MAGI2: variants seen among roughly 807,000 people sequenced by gnomAD.
The protein encoded by MAGI2 is membrane-associated guanylate kinase, WW and PDZ domain-containing protein 2.
A neutral mutation model predicts 133.3 loss-of-function variants in MAGI2; 35 were observed. The ratio of observed to expected loss-of-function variants is 0.26; its 90% CI spans 0.20 to 0.35. The LOEUF (loss-of-function observed/expected upper bound fraction) is 0.35. MAGI2 is among the 10% of genes least tolerant of loss of function. MAGI2 has a pLI of 1.00. For synonymous variants in MAGI2, 729 were observed against 710.6 expected (o/e 1.03, Z -0.41); for missense variants, 1,636 against 1,863.4 (o/e 0.88, Z 2.25).
intron 9 of MAGI2, among the ~76,000 whole-genome samples, chr7:78,308,519 C>T (rs1055490282): frequency 2.6e-5 from 4 of 151,774 alleles, no homozygotes; most frequent in Admixed American, 6.6e-5. Context: ...GGGTGAGGTC[C>T]GACCCATCTT....
At chr7:78,987,223 G>C (rs1805350454) in intron 2 of MAGI2, among the ~76,000 whole-genome samples, 1 of 151,998 alleles carries the variant, frequency 6.6e-6, no homozygotes, top group South Asian at 2.1e-4. Context: ...TTAGGCAATG[G>C]AAAGTGAGAC....
chr7:79,363,695 TA>T (rs200750002), intron 1 of MAGI2, among the ~76,000 whole-genome samples: 68,587 of 139,344 alleles, frequency 0.49, 16,953 homozygotes, highest in African/African-American at 0.64. Flanking sequence ...AACTGAAAAT[TA>T]AAAAAAAAAA....
At chr7:79,317,001 G>GT (rs1182186678) in intron 1 of MAGI2, among the ~76,000 whole-genome samples, 73 of 134,090 alleles carry the variant, frequency 5.4e-4, no homozygotes, top group Middle Eastern at 4.0e-3. Context: ...AAAATGTAGG[G>GT]TTTTTTTTTT....
chr7:78,594,429 A>C (rs114009799), intron 3 of MAGI2, among the ~76,000 whole-genome samples: 205 of 152,232 alleles, frequency 1.3e-3, no homozygotes, highest in African/African-American at 4.7e-3. Context: ...CGGGCCTTGA[A>C]GCATGACAAG....
intron 6 of MAGI2, among the ~76,000 whole-genome samples, chr7:78,430,584 A>G (rs1225166312): frequency 6.6e-6 from 1 of 152,058 alleles, no homozygotes; most frequent in Non-Finnish European, 1.5e-5. Context: ...CTCATATTTG[A>G]TGAAAGTAAT....
At chr7:78,891,300 C>T (rs28863478) in intron 2 of MAGI2, among the ~76,000 whole-genome samples, 1 of 152,140 alleles carries the variant, frequency 6.6e-6, no homozygotes, top group African/African-American at 2.4e-5. Flanking sequence ...ACCAAAGGTA[C>T]AAGGAGGAGC....
chr7:78,086,553 A>C (rs1019745682), intron 20 of MAGI2, among the ~76,000 whole-genome samples: 2 of 151,324 alleles, frequency 1.3e-5, no homozygotes, highest in African/African-American at 4.9e-5. Flanking sequence ...AGGGCTCTTA[A>C]CTGGGGTTTA....
chr7:78,780,207 A>G (rs1037742328), intron 2 of MAGI2, among the ~76,000 whole-genome samples: 4 of 152,228 alleles, frequency 2.6e-5, no homozygotes, highest in African/African-American at 9.6e-5. Context: ...ATTTTTGTAG[A>G]GTAAATATGC....
At chr7:78,622,253 C>T (rs1229774276) in intron 3 of MAGI2, among the ~76,000 whole-genome samples, 1 of 152,100 alleles carries the variant, frequency 6.6e-6, no homozygotes, top group East Asian at 1.9e-4. Context: ...AACAGAAGGT[C>T]TGTAATCTTA....
In MAGI2 at chr7:78,078,865, T is replaced by G. The variant is rs771405363; in HGVS notation, c.3706+82A>C. ...ATATATTTAGGTAGAAGTGGAGAACTGATGTAGTTTTATAAATAACCATAA... is the reference window on the plus strand; with the variant it reads ...ATATATTTAGGTAGAAGTGGAGAACGGATGTAGTTTTATAAATAACCATAA... On this transcript the variant is annotated intron_variant, in intron 21 of 21. Coordinates refer to ENST00000354212, the MANE Select transcript of MAGI2 (RefSeq NM_012301.4). 8.6e-6 allele frequency: 13 copies of G among 1,513,654 alleles called. 1 individual carries two copies. The highest frequency in any genetic ancestry group is 3.4e-5 in the Admixed American group (2 of 59,484). The allele number at this position is 1,513,654 out of a possible 1,614,324, so 93.8% of individuals were successfully genotyped here.
intron 14 of MAGI2, among the ~76,000 whole-genome samples, chr7:78,176,908 G>GACTCTCAC (rs781171770): frequency 8.4e-5 from 11 of 130,486 alleles, no homozygotes; most frequent in African/African-American, 3.1e-4. Flanking sequence ...ACCATATATA[G>GACTCTCAC]ACACACACAC....
At chr7:78,299,326 A>T (rs1797622150) in intron 9 of MAGI2, among the ~76,000 whole-genome samples, 1 of 152,192 alleles carries the variant, frequency 6.6e-6, no homozygotes, top group Non-Finnish European at 1.5e-5. Flanking sequence ...TATTCATCAT[A>T]GTAACAATGT....
intron 2 of MAGI2, among the ~76,000 whole-genome samples, chr7:78,746,567 G>A (rs1216386050): frequency 6.6e-6 from 1 of 152,156 alleles, no homozygotes; most frequent in Non-Finnish European, 1.5e-5. Context: ...GCACAGAAGT[G>A]AATTTAAATT....
At chr7:78,364,408 C>G (rs1010616301) in intron 7 of MAGI2, among the ~76,000 whole-genome samples, 4 of 152,146 alleles carry the variant, frequency 2.6e-5, no homozygotes, top group African/African-American at 4.8e-5. Context: ...ATACTCACCA[C>G]TAACCATGAA....
At chr7:78,834,757 G>A (rs79289713) in intron 2 of MAGI2, among the ~76,000 whole-genome samples, 9,469 of 152,186 alleles carry the variant, frequency 0.062, 393 homozygotes, top group East Asian at 0.2. Context: ...GTTGGAAGTA[G>A]GTCCTGGTGG....
At chr7:78,549,013 A>C (rs1158062373) in intron 3 of MAGI2, among the ~76,000 whole-genome samples, 1 of 152,142 alleles carries the variant, frequency 6.6e-6, no homozygotes, top group East Asian at 1.9e-4. Context: ...TTCAAGGAAA[A>C]AGTTTCTCTT....
intron 2 of MAGI2, chr7:78,940,998 TTC>T (rs1800920723): frequency 6.6e-6 from 1 of 152,186 alleles, no homozygotes; most frequent in African/African-American, 2.4e-5. Flanking sequence ...GGAAGCCGCT[TTC>T]ATATTACAAG....
intron 1 of MAGI2, among the ~76,000 whole-genome samples, chr7:79,032,259 G>A (rs1810661855): frequency 1.3e-5 from 2 of 152,140 alleles, no homozygotes; most frequent in Non-Finnish European, 2.9e-5. Flanking sequence ...GTTCACGCCT[G>A]TAATCCCAGA....
At chr7:79,350,494 C>A (rs544300418) in intron 1 of MAGI2, among the ~76,000 whole-genome samples, 1 of 151,954 alleles carries the variant, frequency 6.6e-6, no homozygotes, top group South Asian at 2.1e-4. Context: ...ATAATAAGGA[C>A]CTTGCCTAAT....
Sources: gnomAD v4.1 joint callset for allele counts (sites outside exome capture counted in the v4.1 genomes callset) on GRCh38, gnomAD v4.1.1 for gene constraint, MANE v1.5 for transcripts, NCBI Gene and HGNC (gene_info 2026-07-23, HGNC 2026-07-21) for gene names.